TENM4: variants seen among roughly 807,000 people sequenced by gnomAD.
TENM4 encodes the protein teneurin transmembrane protein 4.
In TENM4, 82 loss-of-function variants were observed where a neutral mutation model predicts 243.3. The ratio of observed to expected loss-of-function variants is 0.34; its 90% confidence interval spans 0.28 to 0.40. TENM4 has a LOEUF of 0.40. Among genes scored for constraint, TENM4 ranks in the 10% least tolerant of loss-of-function variants. TENM4 has a pLI of 1.00. For synonymous variants in TENM4, 1,412 were observed against 1,456.3 expected, an observed-to-expected ratio of 0.97 and a Z score of 0.69; for missense variants, 3,138 against 3,673.3, an observed-to-expected ratio of 0.85 and a Z score of 3.77.
At chr11:79,332,367 C>T (rs1045355883) in intron 1 of TENM4, among the ~76,000 whole-genome samples, 21 of 152,308 alleles carry the variant, frequency 1.4e-4, no homozygotes, top group African/African-American at 5.1e-4. Context: ...GGCCAGAAGG[C>T]AGGTCTGTTC....
rs1863291622 is a variant in TENM4 at position 79,182,000 on chromosome 11, G to T, written c.-162-33194C>A. On this transcript the variant is annotated intron_variant, in intron 3 of 33. Transcript: ENST00000278550. ...TTTATAAACAGGAAGACTCAAAATT[G>T]TCAAGATGTCAGTTCTTCCCAAATT... is the stretch of plus-strand genomic sequence containing the variant. 2.0e-5 allele frequency among the ~76,000 whole-genome samples: 3 copies of T among 150,060 alleles called. No individual in the cohort carries two copies. In the South Asian group the frequency reaches 6.3e-4, roughly 32 times the overall value.
chr11:79,437,535 T>C (rs1302061550), intron 1 of TENM4, among the ~76,000 whole-genome samples: 1 of 152,118 alleles, frequency 6.6e-6, no homozygotes, highest in Non-Finnish European at 1.5e-5. Flanking sequence ...GCCGCCCCGC[T>C]GGTTCGCACC....
At chr11:79,175,784 A>G (rs1863147120) in intron 3 of TENM4, among the ~76,000 whole-genome samples, 1 of 152,224 alleles carries the variant, frequency 6.6e-6, no homozygotes, top group Non-Finnish European at 1.5e-5. Context: ...AAATATCACA[A>G]TAAAATATAT....
At chr11:78,862,934 C>A in intron 10 of TENM4, 28 bp downstream of exon 10, 1 of 1,394,320 alleles carries the variant, frequency 7.2e-7, no homozygotes. Flanking sequence ...ACAGAGGACT[C>A]ACAACACGGA....
chr11:79,254,963 G>T (rs1458113276), intron 2 of TENM4, among the ~76,000 whole-genome samples: 1 of 152,134 alleles, frequency 6.6e-6, no homozygotes, highest in Non-Finnish European at 1.5e-5. Context: ...CCATGGAGGG[G>T]ACAAAGGAAA....
At chr11:78,884,690 A>G (rs923639522) in intron 9 of TENM4, among the ~76,000 whole-genome samples, 2 of 152,392 alleles carry the variant, frequency 1.3e-5, no homozygotes, top group Non-Finnish European at 2.9e-5. Flanking sequence ...TACTAGGCAC[A>G]TAGCAAAAAT....
chr11:78,980,764 G>T (rs1048429693), intron 6 of TENM4, among the ~76,000 whole-genome samples: 3 of 152,136 alleles, frequency 2.0e-5, no homozygotes, highest in Non-Finnish European at 2.9e-5. Context: ...ACCTCACAGG[G>T]TTGTACAGGG....
intron 1 of TENM4, among the ~76,000 whole-genome samples, chr11:79,362,311 G>C (rs1438263759): frequency 6.6e-6 from 1 of 152,196 alleles, no homozygotes; most frequent in African/African-American, 2.4e-5. Context: ...TGTCAGCAGA[G>C]GGGGAAATAA....
Position 78,738,515 on chromosome 11 carries a change from C to T in TENM4, c.2812G>A (p.Gly938Ser). Reference protein sequence around the residue: ...VMTSDGTPLVGVNISFVNNPL... With the variant: ...VMTSDGTPLVSVNISFVNNPL... The stretch of plus-strand genomic sequence containing the variant: ...TTATTGACAAAACTGATGTTCACAC[C>T]AACCAGGGGGGTTCCATCTGATGTC... The change falls in exon 20 of 34, where the codon GGT becomes AGT. Residue 938 changes from glycine to serine, a missense_variant. This residue lies in a region of TENM4 where 2,467 missense variants were observed against 3,059.1 expected (regional missense o/e 0.81). Coordinates refer to ENST00000278550, the MANE Select transcript of TENM4 (RefSeq NM_001098816.3). The T allele has an allele frequency of 6.2e-7, 1 of 1,613,878 alleles. No homozygotes were observed. Among genetic ancestry groups the T allele is most frequent in the Non-Finnish European group, 8.5e-7 (1 of 1,179,824 alleles).
chr11:79,431,501 C>T (rs1031284468), intron 1 of TENM4, among the ~76,000 whole-genome samples: 4 of 152,112 alleles, frequency 2.6e-5, no homozygotes, highest in Admixed American at 6.6e-5. Flanking sequence ...ATAAGTGTTC[C>T]GAAGTCTACT....
chr11:79,116,129 C>T (rs1439262804), intron 4 of TENM4, among the ~76,000 whole-genome samples: 4 of 152,180 alleles, frequency 2.6e-5, no homozygotes, highest in African/African-American at 9.7e-5. Flanking sequence ...ACAAAATTGT[C>T]CACATTGGTC....
intron 4 of TENM4, among the ~76,000 whole-genome samples, chr11:79,136,281 T>C (rs1862108542): frequency 6.6e-6 from 1 of 152,190 alleles, no homozygotes; most frequent in Non-Finnish European, 1.5e-5. Flanking sequence ...CCCATGTAAG[T>C]GCTCACCAAT....
chr11:78,806,301 AAAAC>A (rs373869667), intron 14 of TENM4, among the ~76,000 whole-genome samples: 3 of 152,250 alleles, frequency 2.0e-5, no homozygotes, highest in Admixed American at 1.3e-4. Flanking sequence ...CTGTCTCTAA[AAAAC>A]AAACAAACAA....
At chr11:78,803,570 T>C (rs1271739791) in intron 15 of TENM4, among the ~76,000 whole-genome samples, 7 of 152,230 alleles carry the variant, frequency 4.6e-5, no homozygotes, top group Non-Finnish European at 4.4e-5. Context: ...TGACACCAGT[T>C]ACGGGGAGTG....
chr11:79,407,380 T>C (rs892955478), intron 1 of TENM4, among the ~76,000 whole-genome samples: 1 of 152,222 alleles, frequency 6.6e-6, no homozygotes, highest in Non-Finnish European at 1.5e-5. Context: ...AAACCAATCA[T>C]GTAATTAGTA....
intron 4 of TENM4, among the ~76,000 whole-genome samples, chr11:79,147,659 G>A (rs1862418758): frequency 6.6e-6 from 1 of 151,976 alleles, no homozygotes; most frequent in Non-Finnish European, 1.5e-5. Flanking sequence ...AATCATACTA[G>A]CAACTGCCAT....
chr11:79,373,864 T>A (rs1378424994), intron 1 of TENM4, among the ~76,000 whole-genome samples: 2 of 152,144 alleles, frequency 1.3e-5, no homozygotes, highest in Non-Finnish European at 2.9e-5. Context: ...GGCAAATATA[T>A]TTATTTCAAA....
At chr11:78,790,891 A>G (rs1003496510) in intron 15 of TENM4, among the ~76,000 whole-genome samples, 1 of 152,198 alleles carries the variant, frequency 6.6e-6, no homozygotes, top group Non-Finnish European at 1.5e-5. Context: ...CCAGGCACTT[A>G]GTCTCACCCT....
At position 79,206,842 on chromosome 11, in the gene TENM4, C is replaced by T. The variant is rs586179; in HGVS notation, c.-163+8966G>A. ...AGCAGCGTGAAAATGGACTAATACA[C>T]GCTCCTCACCATGTAGCTTTAACCT... is the stretch of plus-strand genomic sequence containing the variant. On this transcript the variant is annotated intron_variant, in intron 3 of 33. Transcript: ENST00000278550. Among the ~76,000 whole-genome samples, 436 of 152,280 alleles carry T rather than the reference C, an allele frequency of 2.9e-3. 3 individuals carry two copies. The highest frequency in any genetic ancestry group is 0.01 in the Middle Eastern group (3 of 294).
Sources: allele counts gnomAD v4.1 joint callset (sites outside exome capture counted in the v4.1 genomes callset), GRCh38; gene constraint gnomAD v4.1.1; regional missense constraint gnomAD v4.1.1; transcripts MANE v1.5; gene names NCBI Gene and HGNC (gene_info 2026-07-23, HGNC 2026-07-21).